KCNU1: variants seen among roughly 807,000 people sequenced by gnomAD.
KCNU1 encodes potassium calcium-activated channel subfamily U member 1.
A neutral mutation model predicts 126.8 loss-of-function variants in KCNU1; 93 were observed. That is an observed-to-expected ratio of 0.73 (90% CI 0.62 to 0.87). The LOEUF (loss-of-function observed/expected upper bound fraction) is 0.87, where lower values mean the gene tolerates loss of function less well. Among genes scored for constraint, KCNU1 ranks in the 40% least tolerant of loss-of-function variants. KCNU1 has a pLI of 0.00. For missense variants in KCNU1, 1,330 were observed against 1,367.1 expected (o/e 0.97, Z 0.43); for synonymous variants, 523 against 494.2 (o/e 1.06, Z -0.77).
At chr8:36,814,149 T>C in intron 7 of KCNU1, 58 bp from the exon 8 acceptor site, 6 of 1,388,646 alleles carry the variant, frequency 4.3e-6, no homozygotes, top group Non-Finnish European at 6.1e-6. Context: ...GCCTATTCTT[T>C]AAAAATCTTC....
At chr8:36,815,454 C>A in intron 8 of KCNU1, 142 bp from the exon 9 acceptor site, 1 of 470,754 alleles carries the variant, frequency 2.1e-6, no homozygotes, top group Non-Finnish European at 3.8e-6. Context: ...GGAAGAAAAA[C>A]GAGGTCCCTT....
intron 19 of KCNU1, among the ~76,000 whole-genome samples, chr8:36,866,198 G>A (rs1430712990): frequency 3.9e-5 from 6 of 152,146 alleles, no homozygotes; most frequent in Admixed American, 1.3e-4. Flanking sequence ...GCCTTCCAAT[G>A]ATGTAGATTT....
At chr8:36,912,788 G>A (rs1332242894) in intron 22 of KCNU1, among the ~76,000 whole-genome samples, 2 of 151,836 alleles carry the variant, frequency 1.3e-5, no homozygotes, top group Non-Finnish European at 2.9e-5. Flanking sequence ...TGGTCAACAC[G>A]GTGAAACCAT....
chr8:36,822,739 T>A (rs1804175436), intron 10 of KCNU1, among the ~76,000 whole-genome samples: 1 of 152,164 alleles, frequency 6.6e-6, no homozygotes, highest in African/African-American at 2.4e-5. Flanking sequence ...ACACAGCTCT[T>A]AAAACCACCA....
In KCNU1 at chr8:36,877,305, GT is replaced by G. The variant is rs777465750; in HGVS notation, c.2009+12798del. 4.1e-3 allele frequency among the ~76,000 whole-genome samples: 569 copies of G among 139,970 alleles called. 2 individuals carry two copies. The highest frequency in any genetic ancestry group is 6.2e-3 in the African/African-American group (236 of 38,286). The allele number at this position is 139,970 out of a possible 152,430, so 91.8% of individuals were successfully genotyped here. A position where few individuals can be genotyped will look rare whatever the true frequency, so the allele number is the denominator to read the frequency against. ...TTCTTAAATCTCTAGTTTTTCCTCTGTTTTTTTTTTTTTTGAGATGGAGTTT... is the reference window on the plus strand; with the variant it reads ...TTCTTAAATCTCTAGTTTTTCCTCTGTTTTTTTTTTTTTGAGATGGAGTTT... On this transcript the variant is annotated intron_variant, in intron 19 of 26. Coordinates refer to ENST00000399881, the MANE Select transcript of KCNU1 (RefSeq NM_001031836.3).
Position 36,889,245 on chromosome 8 carries a change from A to G in KCNU1, c.2010-16463A>G, listed in dbSNP as rs763329137. 9.4e-6 allele frequency: 5 copies of G among 534,342 alleles called. No homozygotes were observed. The Admixed American group carries it at 9.7e-5, about 10-fold the overall frequency. 33.1% of individuals were successfully genotyped at this position (534,342 alleles called of 1,614,324 possible). On this transcript the variant is annotated intron_variant, in intron 19 of 26. Transcript: ENST00000399881. ...CATGGTTGCTCTGCTGAACTACCGTAAGGATGGTCAGTATGACCCCATATA... is the reference window on the plus strand; with the variant it reads ...CATGGTTGCTCTGCTGAACTACCGTGAGGATGGTCAGTATGACCCCATATA...
Position 36,910,818 on chromosome 8 carries a change from G to T in KCNU1, c.2332-112G>T, listed in dbSNP as rs1585551784. ...AAGTTTTAAAATCAAGTCAGCAAAGGTTGGAGCTCAAAGCTCAAAAATTAC... is the reference window on the plus strand; with the variant it reads ...AAGTTTTAAAATCAAGTCAGCAAAGTTTGGAGCTCAAAGCTCAAAAATTAC... On this transcript the variant is annotated intron_variant, in intron 21 of 26. Transcript: ENST00000399881. The T allele has an allele frequency of 2.8e-5, 19 of 667,692 alleles. No homozygotes were observed. The South Asian group carries it at 4.0e-4, about 14-fold the overall frequency. 41.4% of individuals were successfully genotyped at this position (667,692 alleles called of 1,614,324 possible).
chr8:36,927,705 T>C (rs1808574915), intron 24 of KCNU1, among the ~76,000 whole-genome samples: 2 of 152,270 alleles, frequency 1.3e-5, no homozygotes, highest in African/African-American at 4.8e-5. Flanking sequence ...TAGGTAATAC[T>C]CTAGGTTATG....
intron 19 of KCNU1, among the ~76,000 whole-genome samples, chr8:36,875,766 G>T: frequency 1.3e-5 from 2 of 151,960 alleles, no homozygotes; most frequent in South Asian, 2.1e-4. Context: ...AGCTAGCTTT[G>T]CTTCAACTGA....
chr8:36,873,725 T>C (rs1476230581), intron 19 of KCNU1, among the ~76,000 whole-genome samples: 1 of 152,204 alleles, frequency 6.6e-6, no homozygotes, highest in African/African-American at 2.4e-5. Context: ...TTGGCAGCTC[T>C]CTTAAGCACA....
chr8:36,844,418 C>G (rs939048056), intron 16 of KCNU1, among the ~76,000 whole-genome samples: 1 of 151,824 alleles, frequency 6.6e-6, no homozygotes, highest in African/African-American at 2.4e-5. Context: ...TAAGACACAA[C>G]TAAGCATGCA....
chr8:36,913,878 G>A (rs1038285455), intron 22 of KCNU1, among the ~76,000 whole-genome samples: 1 of 152,102 alleles, frequency 6.6e-6, no homozygotes, highest in African/African-American at 2.4e-5. Flanking sequence ...TGGGATTACA[G>A]GCTTGAGCCA....
At chr8:36,788,544 T>C (rs564138983) in intron 2 of KCNU1, among the ~76,000 whole-genome samples, 19 of 152,338 alleles carry the variant, frequency 1.2e-4, no homozygotes, top group Admixed American at 1.1e-3. Flanking sequence ...CTGTTTTTTA[T>C]AACTAGCAAA....
At chr8:36,809,400 T>A (rs1585399876) in intron 7 of KCNU1, among the ~76,000 whole-genome samples, 1 of 152,204 alleles carries the variant, frequency 6.6e-6, no homozygotes, top group Admixed American at 6.5e-5. Flanking sequence ...TGATGGGAGA[T>A]GTTAAAAGCC....
At chr8:36,807,495 T>A (rs780672400) in intron 6 of KCNU1, 45 bp downstream of exon 6, 1 of 1,382,014 alleles carries the variant, frequency 7.2e-7, no homozygotes, top group East Asian at 2.3e-5. Context: ...TAGTTTGGAT[T>A]AGAAAATGAA....
At position 36,852,576 on chromosome 8, in the gene KCNU1, T is replaced by C. The variant is rs996672649; in HGVS notation, c.1891+6677T>C. 2.6e-5 allele frequency among the ~76,000 whole-genome samples: 4 copies of C among 152,290 alleles called. No homozygotes were observed. The East Asian group carries it at 7.7e-4, about 29-fold the overall frequency. On this transcript the variant is annotated intron_variant, in intron 18 of 26. Transcript: ENST00000399881. ...GGTTTTCTACTTCTTCCTAAGACAG[T>C]TTTGGTAGTTTCATCTTTCTACCAA...
intron 14 of KCNU1, among the ~76,000 whole-genome samples, chr8:36,839,527 G>A (rs531621325): frequency 5.9e-5 from 9 of 152,282 alleles, no homozygotes; most frequent in East Asian, 1.9e-4. Context: ...CTGAATCTTC[G>A]TGGTGGAAGC....
At chr8:36,911,353 G>GT (rs1292857474) in intron 22 of KCNU1, among the ~76,000 whole-genome samples, 1 of 151,978 alleles carries the variant, frequency 6.6e-6, no homozygotes, top group East Asian at 1.9e-4. Context: ...ACTTAACGCA[G>GT]TTTTTTTAAT....
intron 19 of KCNU1, among the ~76,000 whole-genome samples, chr8:36,873,424 T>C (rs371105639): frequency 6.6e-6 from 1 of 152,172 alleles, no homozygotes; most frequent in Admixed American, 6.5e-5. Context: ...ATAATGGCTG[T>C]TTACCCAACA....
Sources: gnomAD v4.1 joint callset for allele counts (sites outside exome capture counted in the v4.1 genomes callset) on GRCh38, gnomAD v4.1.1 for gene constraint, MANE v1.5 for transcripts, NCBI Gene and HGNC (gene_info 2026-07-23, HGNC 2026-07-21) for gene names.